Variants in TTC28 observed in about 807,000 individuals in gnomAD.
TTC28 encodes tetratricopeptide repeat protein 28.
Under a neutral mutation model 198.0 loss-of-function variants are expected in TTC28, and 61 were observed. The ratio of observed to expected loss-of-function variants is 0.31; its 90% CI spans 0.25 to 0.38. The LOEUF (loss-of-function observed/expected upper bound fraction) is 0.38. Among genes scored for constraint, TTC28 ranks in the 10% least tolerant of loss-of-function variants. TTC28 has a pLI of 1.00. For synonymous variants in TTC28, 1,171 were observed against 1,297.8 expected, an observed-to-expected ratio of 0.90 and a Z score of 2.10; for missense variants, 2,678 against 3,164.0, an observed-to-expected ratio of 0.85 and a Z score of 3.69.
intron 5 of TTC28, among the ~76,000 whole-genome samples, chr22:28,277,968 T>C (rs1269023331): frequency 3.3e-5 from 5 of 152,170 alleles, no homozygotes; most frequent in African/African-American, 9.7e-5. Flanking sequence ...TTGTCATTAG[T>C]ATCTTTAGGA....
intron 2 of TTC28, among the ~76,000 whole-genome samples, chr22:28,578,647 A>G (rs2050186160): frequency 6.6e-6 from 1 of 152,138 alleles, no homozygotes; most frequent in Non-Finnish European, 1.5e-5. Flanking sequence ...AAGGTACTGA[A>G]GAGGATAGGA....
intron 12 of TTC28, among the ~76,000 whole-genome samples, chr22:28,087,452 A>C (rs2146833875): frequency 6.6e-6 from 1 of 152,296 alleles, no homozygotes; most frequent in Non-Finnish European, 1.5e-5. Flanking sequence ...CCTTTGACAA[A>C]ATTCAACAAC....
Position 28,107,327 on chromosome 22 carries a change from T to A in TTC28, c.2518A>T (p.Met840Leu). The A allele has an allele frequency of 6.4e-7, 1 of 1,551,958 alleles. No individual in the cohort carries two copies. The highest frequency in any genetic ancestry group is 1.2e-5 in the South Asian group (1 of 84,056). The change falls in exon 7 of 23, where the codon ATG (methionine) becomes TTG (leucine). Residue 840 changes from methionine (M) to leucine (L), a missense_variant. Coordinates refer to ENST00000397906, the MANE Select transcript of TTC28 (RefSeq NM_001145418.2). ...PSLEAQVYGN[M>L]GITKMNMNVM... ...TTCATGTTCATCTTTGTGATGCCCA[T>A]GTTGCCATAGACCTGGGCTTCCAGA...
chr22:28,337,143 C>A (rs134495), intron 2 of TTC28, among the ~76,000 whole-genome samples: 133,369 of 152,134 alleles, frequency 0.88, 58,593 homozygotes, highest in East Asian at 0.99. Flanking sequence ...CATGTAGTTG[C>A]GCGGTTTTCA....
chr22:28,190,825 G>A (rs73427749), intron 5 of TTC28, among the ~76,000 whole-genome samples: 5,436 of 152,176 alleles, frequency 0.036, 327 homozygotes, highest in African/African-American at 0.12. Flanking sequence ...TTGGGAGCTC[G>A]TGTTTTGAGG....
chr22:28,230,209 G>C (rs1430866370), intron 5 of TTC28, among the ~76,000 whole-genome samples: 1 of 152,198 alleles, frequency 6.6e-6, no homozygotes, highest in African/African-American at 2.4e-5. Flanking sequence ...TGTCACATCA[G>C]CCCAAGTGGA....
intron 5 of TTC28, among the ~76,000 whole-genome samples, chr22:28,218,570 A>T (rs1223542690): frequency 6.7e-6 from 1 of 148,680 alleles, no homozygotes; most frequent in Non-Finnish European, 1.5e-5. Context: ...TCTTTCACAT[A>T]AAAAAAAAAG....
chr22:28,586,647 G>C (rs1302316031), intron 2 of TTC28, among the ~76,000 whole-genome samples: 1 of 149,112 alleles, frequency 6.7e-6, no homozygotes, highest in Non-Finnish European at 1.5e-5. Flanking sequence ...CTGATCTTTT[G>C]GCATAGTCAC....
chr22:28,094,267 C>A, intron 11 of TTC28, 22 bp from the exon 12 acceptor site: 1 of 1,529,710 alleles, frequency 6.5e-7, no homozygotes. Context: ...CAGGCACAGC[C>A]AACATTATAC....
intron 5 of TTC28, among the ~76,000 whole-genome samples, chr22:28,186,927 C>T (rs1418607800): frequency 6.6e-6 from 1 of 152,136 alleles, no homozygotes; most frequent in Admixed American, 6.5e-5. Context: ...GCACATTTTC[C>T]CCACAAAGCA....
At chr22:28,396,397 C>T (rs1014909904) in intron 2 of TTC28, among the ~76,000 whole-genome samples, 1 of 152,162 alleles carries the variant, frequency 6.6e-6, no homozygotes, top group Non-Finnish European at 1.5e-5. Context: ...CCACATAGCT[C>T]AACTTGTAAA....
chr22:28,255,440 C>T lies in TTC28; in HGVS notation c.933+40758G>A, dbSNP rs529063250. On this transcript the variant is annotated intron_variant, in intron 5 of 22. Coordinates refer to ENST00000397906, the MANE Select transcript of TTC28 (RefSeq NM_001145418.2). ...GCTCACACCTGTAATCCCAGCACTT[C>T]GGGAGGCGAGGTGGGTGGATCACCT... is the stretch of plus-strand genomic sequence containing the variant. Among the ~76,000 whole-genome samples, 9 of 151,948 alleles carry T rather than the reference C, an allele frequency of 5.9e-5. No homozygotes were observed. The South Asian group carries it at 1.2e-3, about 21-fold the overall frequency.
chr22:28,610,557 C>T (rs1002072696), intron 2 of TTC28, among the ~76,000 whole-genome samples: 1 of 152,072 alleles, frequency 6.6e-6, no homozygotes, highest in Non-Finnish European at 1.5e-5. Flanking sequence ...CAAAAAAGGA[C>T]GTCCACTTGG....
chr22:28,236,403 C>T (rs1929252044), intron 5 of TTC28, among the ~76,000 whole-genome samples: 1 of 152,058 alleles, frequency 6.6e-6, no homozygotes, highest in South Asian at 2.1e-4. Context: ...AGTAGAGTTC[C>T]AAGGTAAAGA....
intron 5 of TTC28, among the ~76,000 whole-genome samples, chr22:28,224,954 T>C (rs1443945781): frequency 6.6e-6 from 1 of 152,206 alleles, no homozygotes; most frequent in Admixed American, 6.5e-5. Context: ...GCTTTCCCAA[T>C]GTTAGTAAGA....
chr22:28,427,288 C>G (rs2047363802), intron 2 of TTC28, among the ~76,000 whole-genome samples: 1 of 152,198 alleles, frequency 6.6e-6, no homozygotes, highest in African/African-American at 2.4e-5. Context: ...TAACATCTTT[C>G]TATTCCTATA....
chr22:28,030,912 A>G (rs141963424), intron 12 of TTC28, among the ~76,000 whole-genome samples: 2 of 152,364 alleles, frequency 1.3e-5, no homozygotes, highest in East Asian at 3.9e-4. Flanking sequence ...AGTGGTTGCA[A>G]TGCTAGCAGG....
At chr22:28,102,913 C>A (rs1942194943) in intron 8 of TTC28, among the ~76,000 whole-genome samples, 1 of 152,208 alleles carries the variant, frequency 6.6e-6, no homozygotes, top group South Asian at 2.1e-4. Context: ...TGGGAGAAAA[C>A]CAGAAGGATA....
intron 2 of TTC28, among the ~76,000 whole-genome samples, chr22:28,385,826 CT>C (rs1263176141): frequency 2.6e-5 from 4 of 152,148 alleles, no homozygotes; most frequent in African/African-American, 9.7e-5. Flanking sequence ...CATATGCAAT[CT>C]TTACCCACAA....
Sources: allele counts gnomAD v4.1 joint callset (sites outside exome capture counted in the v4.1 genomes callset), GRCh38; gene constraint gnomAD v4.1.1; transcripts MANE v1.5; gene names NCBI Gene and HGNC (gene_info 2026-07-23, HGNC 2026-07-21).